Variants in PLEC observed in about 807,000 individuals in gnomAD.
PLEC encodes plectin.
In PLEC, 216 loss-of-function variants were observed where a neutral mutation model predicts 392.8. That is an observed-to-expected ratio of 0.55 (90% CI 0.49 to 0.62). PLEC has a LOEUF of 0.62. PLEC is among the 20% of genes least tolerant of loss of function. PLEC has a pLI of 0.00. For synonymous variants in PLEC, 3,621 were observed against 2,980.6 expected, an observed-to-expected ratio of 1.21 and a Z score of -7.00; for missense variants, 6,863 against 6,563.4, an observed-to-expected ratio of 1.05 and a Z score of -1.58.
intron 19 of PLEC, 29 bp downstream of exon 19, chr8:143,931,505 G>A (rs1216052979): frequency 5.4e-5 from 84 of 1,559,868 alleles, no homozygotes; most frequent in Non-Finnish European, 7.2e-5. Context: ...AGCCCCTCCT[G>A]ACACGCCCCT....
At position 143,969,135 on chromosome 8, in the gene PLEC, G is replaced by A. The variant is rs374330879; in HGVS notation, c.70+4268C>T. On this transcript the variant is annotated intron_variant, in intron 1 of 31. Transcript: ENST00000356346. The surrounding 1 kb of genome is among the most constrained non-coding windows in gnomAD (Gnocchi z 5.1). ...TATCCGTCAACTGATAAACGCATAA[G>A]CAAAAGTGGGCACTTCCACACCACG... Among the ~76,000 whole-genome samples, 4 of 152,182 alleles carry A rather than the reference G, an allele frequency of 2.6e-5. No individual in the cohort carries two copies. Among genetic ancestry groups the A allele is most frequent in the Non-Finnish European group, 5.9e-5 (4 of 68,034 alleles).
chr8:143,955,123 G>A (rs922796648), upstream of PLEC, among the ~76,000 whole-genome samples: 1 of 152,238 alleles, frequency 6.6e-6, no homozygotes, highest in Non-Finnish European at 1.5e-5. Flanking sequence ...GTTGGGGTGT[G>A]GGGAGTCTCA....
At chr8:143,972,099 G>C (rs1833457246) in intron 1 of PLEC, among the ~76,000 whole-genome samples, 1 of 152,242 alleles carries the variant, frequency 6.6e-6, no homozygotes, top group Non-Finnish European at 1.5e-5. Context: ...AACTCCAGGA[G>C]GAAACGATCC....
chr8:143,935,420 C>T (rs1180153134), intron 6 of PLEC, 107 bp from the exon 7 acceptor site: 6 of 777,094 alleles, frequency 7.7e-6, no homozygotes, highest in African/African-American at 3.4e-5. Flanking sequence ...ACCATGGACC[C>T]CCCCAACACT....
upstream of PLEC, among the ~76,000 whole-genome samples, chr8:143,973,979 A>C (rs1833568389): frequency 6.6e-6 from 1 of 152,254 alleles, no homozygotes. The surrounding 1 kb of genome is among the most constrained non-coding windows in gnomAD (Gnocchi z 5.6). Context: ...CGAGGACTGG[A>C]ATAGCCCATT....
rs782237945 is a variant in PLEC at position 143,929,735 on chromosome 8, C to T, written c.2834G>A (p.Gly945Asp). ...AFLRDSQDAG[G>D]FGPEDRLMAE... Reference sequence around the variant, plus strand: ...CATCAGCCGGTCCTCGGGTCCGAAGCCGCCCGCGTCCTGGCTGTCCCGCAG... The same window carrying T: ...CATCAGCCGGTCCTCGGGTCCGAAGTCGCCCGCGTCCTGGCTGTCCCGCAG... The change falls in exon 23 of 32, where the codon GGC (glycine) becomes GAC (aspartate). Residue 945 changes from glycine to aspartate, a missense_variant. Physicochemically the swap from Gly to Asp is moderately conservative, Grantham distance 94 (BLOSUM62 -1). Coordinates refer to ENST00000345136, the MANE Select transcript of PLEC (RefSeq NM_201384.3). The T allele has an allele frequency of 3.1e-6, 5 of 1,599,192 alleles. No homozygotes were observed. In the South Asian group the frequency reaches 4.4e-5, roughly 14 times the overall value.
chr8:143,934,112 A>G, intron 11 of PLEC, 21 bp from the exon 12 acceptor site: 2 of 1,609,076 alleles, frequency 1.2e-6, no homozygotes, highest in Non-Finnish European at 1.7e-6. Flanking sequence ...AGCACAGGGA[A>G]GGGGCCGCGT....
intron 3 of PLEC, chr8:143,937,881 T>A (rs1829470670): frequency 3.1e-6 from 2 of 635,318 alleles, no homozygotes; most frequent in Admixed American, 2.1e-5. Flanking sequence ...ATGAGGTTAC[T>A]GTGTCCCGAC....
At chr8:143,964,267 C>T (rs1475924332) in intron 1 of PLEC, among the ~76,000 whole-genome samples, 1 of 152,168 alleles carries the variant, frequency 6.6e-6, no homozygotes, top group Non-Finnish European at 1.5e-5. Context: ...AAAGATATGT[C>T]TATGAACAAT....
In PLEC at chr8:143,916,183, C is replaced by T. The variant is rs1554668153; in HGVS notation, c.13638G>A (p.Val4546=). ...SASLGGPESA[V]A is the part of the protein sequence containing the mutation. ...GGGGTGGGCGCAGGCAGCCTCAGGC[C>T]ACGGCAGACTCAGGGCCCCCCAGGG... is the stretch of plus-strand genomic sequence containing the variant. Residue 4546 remains valine, a synonymous_variant, in exon 32 of 32, where the codon GTG becomes GTA. Coordinates refer to ENST00000345136, the MANE Select transcript of PLEC (RefSeq NM_201384.3). The T allele has an allele frequency of 6.5e-7, 1 of 1,539,654 alleles. No homozygotes were observed. Among genetic ancestry groups the T allele is most frequent in the Non-Finnish European group, 8.7e-7 (1 of 1,142,946 alleles).
At chr8:143,952,510 C>A (rs1409294554), upstream of PLEC, among the ~76,000 whole-genome samples, 3 of 152,164 alleles carry the variant, frequency 2.0e-5, no homozygotes, top group Admixed American at 1.3e-4. Flanking sequence ...GCCTGCCCAG[C>A]CCTGTGCCCA....
chr8:143,933,764 C>A (rs976109591), intron 12 of PLEC, among the ~76,000 whole-genome samples: 19 of 152,182 alleles, frequency 1.2e-4, no homozygotes, highest in African/African-American at 4.6e-4. Context: ...GGCAGCCCAG[C>A]GTGGGTTCTG....
chr8:143,926,314 G>C (rs903522860), intron 30 of PLEC, among the ~76,000 whole-genome samples: 1 of 152,314 alleles, frequency 6.6e-6, no homozygotes, highest in East Asian at 1.9e-4. Flanking sequence ...GAGGCGAGGC[G>C]GCCAGCGTGG....
upstream of PLEC, chr8:143,954,054 C>T (rs530580639): frequency 7.4e-5 from 48 of 652,140 alleles, no homozygotes; most frequent in South Asian, 9.0e-4. The surrounding 1 kb of genome is among the most constrained non-coding windows in gnomAD (Gnocchi z 4.6). Context: ...GATCCAGGAG[C>T]GCTCGGACGG....
At chr8:143,944,648 C>A (rs963669780) in intron 1 of PLEC, 1 of 1,344,852 alleles carries the variant, frequency 7.4e-7, no homozygotes, top group Non-Finnish European at 9.6e-7. Context: ...GCCCACCTAC[C>A]GGGCACGATC....
upstream of PLEC, among the ~76,000 whole-genome samples, chr8:143,943,054 C>G (rs1830798087): frequency 6.6e-6 from 1 of 152,218 alleles, no homozygotes; most frequent in Non-Finnish European, 1.5e-5. Context: ...CCCATCCTGG[C>G]AGCTGAGTCC....
chr8:143,948,365 A>C (rs1427470389), intron 1 of PLEC, among the ~76,000 whole-genome samples: 1 of 151,298 alleles, frequency 6.6e-6, no homozygotes, highest in African/African-American at 2.4e-5. Context: ...TCACTTAAAA[A>C]CTCCAAGAAG....
In PLEC at chr8:143,922,376, T is replaced by A; in HGVS notation, c.7445A>T (p.Glu2482Val). 6.2e-7 allele frequency: 1 copy of A among 1,602,726 alleles called. No individual in the cohort carries two copies. Among genetic ancestry groups the A allele is most frequent in the Non-Finnish European group, 8.5e-7 (1 of 1,179,792 alleles). Reference sequence around the variant, plus strand: ...GGCCTGCGTCTCCTGCAGCAGCTGCTCCTGCTGCACCGTCTGCATCTGCAG... The same window carrying A: ...GGCCTGCGTCTCCTGCAGCAGCTGCACCTGCTGCACCGTCTGCATCTGCAG... The part of the protein sequence containing the change: ...KSEEMQTVQQ[E>V]QLLQETQALQ... Residue 2482 changes from glutamate to valine, a missense_variant, in exon 32 of 32, where the codon GAG becomes GTG. By Grantham distance (121) the Glu-to-Val change is moderately radical. Coordinates refer to ENST00000345136, the MANE Select transcript of PLEC (RefSeq NM_201384.3).
In PLEC at chr8:143,923,367, G is replaced by C; in HGVS notation, c.6562C>G (p.Leu2188Val). Residue 2188 changes from leucine to valine, a missense_variant, in exon 31 of 32, where the codon CTG becomes GTG. Coordinates refer to ENST00000345136, the MANE Select transcript of PLEC (RefSeq NM_201384.3). ...LRQKAQVEQE[L>V]TTLRLQLEET... is the part of the protein sequence containing the mutation. ...TCCAGCTGCAGCCGCAGTGTTGTCA[G>C]CTCCTGCTCCACCTGCGCCTTCTGC... is the stretch of plus-strand genomic sequence containing the variant. The C allele has an allele frequency of 6.2e-7, 1 of 1,610,480 alleles. No homozygotes were observed. Among genetic ancestry groups the C allele is most frequent in the Non-Finnish European group, 8.5e-7 (1 of 1,179,472 alleles).
Sources: gnomAD v4.1 joint callset for allele counts (sites outside exome capture counted in the v4.1 genomes callset) on GRCh38, gnomAD v4.1.1 for gene constraint, Gnocchi (gnomAD v3.1) non-coding constraint, MANE v1.5 for transcripts, NCBI Gene and HGNC (gene_info 2026-07-23, HGNC 2026-07-21) for gene names.